Variants in CRB1 observed in about 807,000 individuals in gnomAD.
CRB1 encodes the protein crumbs cell polarity complex component 1.
CRB1 carries 83 observed loss-of-function variants against 120.0 expected under a neutral mutation model. The observed-to-expected ratio is 0.69, with a 90% CI of 0.58 to 0.83. The LOEUF (loss-of-function observed/expected upper bound fraction) is 0.83, where lower values mean the gene tolerates loss of function less well. CRB1 is among the 40% of genes least tolerant of loss of function. The probability of loss-of-function intolerance (pLI) is 0.00; values close to 1 mark genes in which losing one functional copy is unlikely to be tolerated. For missense variants in CRB1, 1,699 were observed against 1,687.6 expected (o/e 1.01, Z -0.12); for synonymous variants, 625 against 612.5 (o/e 1.02, Z -0.30).
At chr1:197,245,229 A>G in the CRB1 span, among the ~76,000 whole-genome samples, 1 of 151,976 alleles carries the variant, frequency 6.6e-6, no homozygotes, top group African/African-American at 2.4e-5. Flanking sequence ...ACCCCACAAC[A>G]GGCCCCGGTG....
intron 11 of CRB1, among the ~76,000 whole-genome samples, chr1:197,473,260 C>T (rs1346742767): frequency 1.3e-5 from 2 of 152,156 alleles, no homozygotes; most frequent in African/African-American, 4.8e-5. Flanking sequence ...TCCAGTTCCC[C>T]TTCAGAAGAA....
intron 1 of CRB1, among the ~76,000 whole-genome samples, chr1:197,269,804 T>C (rs1437662272): frequency 6.6e-6 from 1 of 152,226 alleles, no homozygotes; most frequent in Non-Finnish European, 1.5e-5. Context: ...ATGATATCTT[T>C]AATTAAAAGT....
the CRB1 span, among the ~76,000 whole-genome samples, chr1:197,252,860 G>A: frequency 4.6e-5 from 7 of 151,394 alleles, no homozygotes; most frequent in East Asian, 2.0e-4. Context: ...GAACAAATTC[G>A]CCCTTACATC....
At position 197,284,209 on chromosome 1, in the gene CRB1, C is replaced by T. The variant is rs567336348; in HGVS notation, c.70+15727C>T. Among the ~76,000 whole-genome samples, 7 of 152,022 alleles carry T rather than the reference C, an allele frequency of 4.6e-5. No homozygotes were observed. In the East Asian group the frequency reaches 1.4e-3, roughly 30 times the overall value. ...TAGACTTCATCAAGCACCAATTTTA[C>T]TTGTCTTGAAGAAAATGCACAGGAC... is the stretch of plus-strand genomic sequence containing the variant. On this transcript the variant is annotated intron_variant, in intron 1 of 11. Transcript: ENST00000367400.
intron 10 of CRB1, chr1:197,440,761 C>T (rs1665395167): frequency 6.6e-6 from 1 of 152,286 alleles, no homozygotes; most frequent in South Asian, 2.1e-4. Flanking sequence ...ATTGGCTTCT[C>T]TCCTGCCTTG....
At chr1:197,476,988 A>T (rs1206134266) in intron 11 of CRB1, among the ~76,000 whole-genome samples, 1 of 152,194 alleles carries the variant, frequency 6.6e-6, no homozygotes, top group Non-Finnish European at 1.5e-5. Context: ...TGTAAAAATA[A>T]CAACTTTGAG....
At chr1:197,372,931 G>A (rs1661449789) in intron 5 of CRB1, among the ~76,000 whole-genome samples, 1 of 152,086 alleles carries the variant, frequency 6.6e-6, no homozygotes, top group African/African-American at 2.4e-5. Context: ...GTCAACTGCA[G>A]CTGCTCCTAG....
chr1:197,324,637 C>T (rs1477376071), intron 1 of CRB1, among the ~76,000 whole-genome samples: 1 of 152,048 alleles, frequency 6.6e-6, no homozygotes, highest in Non-Finnish European at 1.5e-5. Context: ...TGAGGCAGAG[C>T]GATGTTATCT....
intron 5 of CRB1, among the ~76,000 whole-genome samples, chr1:197,381,557 T>C (rs1228617164): frequency 6.6e-6 from 1 of 152,208 alleles, no homozygotes; most frequent in African/African-American, 2.4e-5. Flanking sequence ...GTTTCCTCAA[T>C]GAACACAATT....
At chr1:197,472,591 C>T (rs556550343) in intron 11 of CRB1, among the ~76,000 whole-genome samples, 4 of 152,298 alleles carry the variant, frequency 2.6e-5, no homozygotes, top group South Asian at 2.1e-4. Flanking sequence ...ATGCTGTCAT[C>T]GGCCCTAAAT....
intron 11 of CRB1, among the ~76,000 whole-genome samples, chr1:197,469,256 T>C (rs1423995731): frequency 6.6e-6 from 1 of 152,178 alleles, no homozygotes; most frequent in Non-Finnish European, 1.5e-5. Context: ...ATTGGCAATT[T>C]ATATTTGATA....
chr1:197,299,499 C>T (rs533385153), intron 1 of CRB1, among the ~76,000 whole-genome samples: 31 of 152,124 alleles, frequency 2.0e-4, no homozygotes, highest in South Asian at 4.1e-4. Context: ...AATTCCACTC[C>T]TACACACACA....
At chr1:197,434,595 A>G (rs554587053) in intron 8 of CRB1, 111 bp from the exon 9 acceptor site, 21 of 989,968 alleles carry the variant, frequency 2.1e-5, no homozygotes, top group South Asian at 1.4e-4. Flanking sequence ...ACATGTATCA[A>G]ATAGTCAATA....
At chr1:197,396,238 T>A (rs922576429) in intron 5 of CRB1, among the ~76,000 whole-genome samples, 3 of 152,118 alleles carry the variant, frequency 2.0e-5, no homozygotes, top group Non-Finnish European at 4.4e-5. Context: ...TTAATTTTTT[T>A]AAATGAAATA....
intron 1 of CRB1, among the ~76,000 whole-genome samples, chr1:197,305,971 A>G (rs1657150209): frequency 6.6e-6 from 1 of 152,028 alleles, no homozygotes. Context: ...TTCTGGGAAT[A>G]TCTTTGTTAC....
At chr1:197,413,807 C>G (rs1308926335) in intron 5 of CRB1, 1 of 387,418 alleles carries the variant, frequency 2.6e-6, no homozygotes, top group Non-Finnish European at 5.3e-6. Context: ...GAGTCAAAAC[C>G]AAGTCCCCAT....
chr1:197,361,607 C>T (rs1406766860), intron 5 of CRB1, among the ~76,000 whole-genome samples: 2 of 151,852 alleles, frequency 1.3e-5, no homozygotes, highest in African/African-American at 2.4e-5. Flanking sequence ...TTCTGTTGAA[C>T]TTCTGAGCAT....
At chr1:197,393,647 A>T (rs1386913961) in intron 5 of CRB1, among the ~76,000 whole-genome samples, 1 of 152,150 alleles carries the variant, frequency 6.6e-6, no homozygotes, top group African/African-American at 2.4e-5. Flanking sequence ...TACCAAAAAA[A>T]GTATCACCCA....
At chr1:197,332,140 AAAAAAAC>A (rs895409155) in intron 2 of CRB1, among the ~76,000 whole-genome samples, 35 of 152,198 alleles carry the variant, frequency 2.3e-4, no homozygotes, top group South Asian at 8.3e-4. Context: ...ACCCTGTCTC[AAAAAAAC>A]AAAAAACAAA....
Sources: allele counts gnomAD v4.1 joint callset (sites outside exome capture counted in the v4.1 genomes callset), GRCh38; gene constraint gnomAD v4.1.1; transcripts MANE v1.5; gene names NCBI Gene and HGNC (gene_info 2026-07-23, HGNC 2026-07-21).